Variants in BBX observed in about 807,000 individuals in gnomAD.
BBX encodes BBX high mobility group box domain containing.
Under a neutral mutation model 100.2 loss-of-function variants are expected in BBX, and 30 were observed. That is an observed-to-expected ratio of 0.30 (90% CI 0.22 to 0.41). BBX has a LOEUF of 0.41. BBX is among the 10% of genes least tolerant of loss of function. The probability of loss-of-function intolerance (pLI) is 1.00; values close to 1 mark genes in which losing one functional copy is unlikely to be tolerated. For synonymous variants in BBX, 376 were observed against 388.1 expected, an observed-to-expected ratio of 0.97 and a Z score of 0.37; for missense variants, 1,023 against 1,129.8, an observed-to-expected ratio of 0.91 and a Z score of 1.35.
At chr3:107,584,887 G>A (rs562726707) in intron 2 of BBX, among the ~76,000 whole-genome samples, 42 of 151,636 alleles carry the variant, frequency 2.8e-4, no homozygotes, top group Non-Finnish European at 6.0e-4. Context: ...TCACTATGTT[G>A]GCTGGGCTGG....
At chr3:107,607,689 G>C (rs564321647) in intron 2 of BBX, among the ~76,000 whole-genome samples, 1 of 152,206 alleles carries the variant, frequency 6.6e-6, no homozygotes, top group African/African-American at 2.4e-5. Context: ...AGCGTGCAAG[G>C]GTTTCCTTTT....
At chr3:107,686,795 T>A (rs2059875604) in intron 3 of BBX, among the ~76,000 whole-genome samples, 1 of 152,170 alleles carries the variant, frequency 6.6e-6, no homozygotes, top group South Asian at 2.1e-4. Context: ...GTGTTCACAT[T>A]TTCTAGTGTC....
At chr3:107,772,568 T>C in intron 10 of BBX, 60 bp from the exon 11 acceptor site, 1 of 1,477,716 alleles carries the variant, frequency 6.8e-7, no homozygotes, top group South Asian at 1.4e-5. Flanking sequence ...AACTTTAATT[T>C]TGAAGGTGGA....
In BBX at chr3:107,628,532, A is replaced by G. The variant is rs185651036; in HGVS notation, c.-83-17304A>G. ...TTTTTCTCATATCTTTTTTATATGTACCATTTTTTATATGAGGAAACCTTT... is the reference window on the plus strand; with the variant it reads ...TTTTTCTCATATCTTTTTTATATGTGCCATTTTTTATATGAGGAAACCTTT... On this transcript the variant is annotated intron_variant, in intron 2 of 17. Coordinates refer to ENST00000325805, the MANE Select transcript of BBX (RefSeq NM_001142568.3). 2.0e-5 allele frequency among the ~76,000 whole-genome samples: 3 copies of G among 152,172 alleles called. No homozygotes were observed. In the East Asian group the frequency reaches 5.8e-4, roughly 29 times the overall value.
intron 10 of BBX, among the ~76,000 whole-genome samples, chr3:107,770,275 G>A (rs2066795062): frequency 6.6e-6 from 1 of 152,150 alleles, no homozygotes; most frequent in African/African-American, 2.4e-5. Flanking sequence ...CAAACTGTCA[G>A]CATACCACTA....
intron 2 of BBX, among the ~76,000 whole-genome samples, chr3:107,610,407 TTTG>T (rs1244477129): frequency 6.6e-6 from 1 of 152,084 alleles, no homozygotes; most frequent in East Asian, 1.9e-4. Flanking sequence ...CCAATGTTTC[TTTG>T]TTAATTTTCT....
intron 7 of BBX, among the ~76,000 whole-genome samples, chr3:107,735,772 G>A (rs867547784): frequency 2.0e-5 from 3 of 151,758 alleles, no homozygotes; most frequent in East Asian, 1.9e-4. Flanking sequence ...GATATCAATC[G>A]CAAATAATAA....
chr3:107,638,032 G>A (rs1309925003), intron 2 of BBX, among the ~76,000 whole-genome samples: 1 of 151,944 alleles, frequency 6.6e-6, no homozygotes, highest in African/African-American at 2.4e-5. Flanking sequence ...TCCCACCTCA[G>A]CCTTCCAAGT....
At chr3:107,740,282 C>T (rs1301511033) in intron 7 of BBX, among the ~76,000 whole-genome samples, 1 of 151,778 alleles carries the variant, frequency 6.6e-6, no homozygotes, top group Non-Finnish European at 1.5e-5. Flanking sequence ...CCTTCCAAAC[C>T]TCCTTCCATC....
chr3:107,721,467 C>T (rs924011483), intron 5 of BBX, among the ~76,000 whole-genome samples: 1 of 151,906 alleles, frequency 6.6e-6, no homozygotes, highest in Non-Finnish European at 1.5e-5. Context: ...AATCAAATGG[C>T]TTACACTTTT....
At chr3:107,665,732 C>T (rs570359097) in intron 3 of BBX, among the ~76,000 whole-genome samples, 53 of 152,268 alleles carry the variant, frequency 3.5e-4, no homozygotes, top group African/African-American at 1.2e-3. Flanking sequence ...TCCCTCAACC[C>T]GACAGCCATG....
chr3:107,601,546 A>G (rs1208899416), intron 2 of BBX, among the ~76,000 whole-genome samples: 1 of 152,244 alleles, frequency 6.6e-6, no homozygotes. Context: ...CAAACCAGCC[A>G]CAACACTCCC....
chr3:107,636,551 A>G (rs545408611), intron 2 of BBX, among the ~76,000 whole-genome samples: 1 of 152,272 alleles, frequency 6.6e-6, no homozygotes, highest in East Asian at 1.9e-4. Context: ...ATTAAGAACC[A>G]TGGCTATTAC....
intron 15 of BBX, among the ~76,000 whole-genome samples, chr3:107,793,112 G>A (rs754669254): frequency 2.0e-4 from 31 of 152,138 alleles, no homozygotes; most frequent in Non-Finnish European, 3.7e-4. Flanking sequence ...AGATGTAGTA[G>A]TACACAGACT....
intron 5 of BBX, among the ~76,000 whole-genome samples, chr3:107,727,455 C>T (rs6763306): frequency 0.14 from 21,588 of 151,988 alleles, 1,998 homozygotes; most frequent in African/African-American, 0.25. Context: ...CTAGTTTGGC[C>T]TTGTGTCCAA....
rs771283452 is a variant in BBX, at chr3:107,773,645, C to G, written c.1915+9C>G. On this transcript the variant is annotated intron_variant, in intron 11 of 17. Coordinates refer to ENST00000325805, the MANE Select transcript of BBX (RefSeq NM_001142568.3). This position sits in a 1 kb window ranked among gnomAD's most constrained non-coding sequence, Gnocchi z 4.1. The stretch of plus-strand genomic sequence containing the variant: ...AGCTAATGTTGACAGAGGTAAGTAA[C>G]TTCTACAAACCTGAAAAGAATTCAA... The G allele has an allele frequency of 3.1e-6, 5 of 1,592,606 alleles. No individual in the cohort carries two copies. Among genetic ancestry groups the G allele is most frequent in the Non-Finnish European group, 4.3e-6 (5 of 1,172,110 alleles).
intron 2 of BBX, among the ~76,000 whole-genome samples, chr3:107,570,093 C>G (rs575175350): frequency 1.3e-5 from 2 of 152,180 alleles, no homozygotes; most frequent in African/African-American, 4.8e-5. Context: ...AGATTTCCAG[C>G]ACTTGAAGCA....
chr3:107,620,888 T>C (rs1485932486), intron 2 of BBX, among the ~76,000 whole-genome samples: 3 of 135,684 alleles, frequency 2.2e-5, no homozygotes, highest in East Asian at 2.4e-4. Context: ...TATTGCTGCA[T>C]AGGGGGTTGG....
At chr3:107,648,100 T>G (rs888260638) in intron 3 of BBX, among the ~76,000 whole-genome samples, 11 of 152,206 alleles carry the variant, frequency 7.2e-5, no homozygotes, top group Non-Finnish European at 1.5e-4. Flanking sequence ...AAATACTATC[T>G]GCTGCTTTTT....
Sources: allele counts gnomAD v4.1 joint callset (sites outside exome capture counted in the v4.1 genomes callset), GRCh38; gene constraint gnomAD v4.1.1; non-coding constraint Gnocchi (gnomAD v3.1); transcripts MANE v1.5; gene names NCBI Gene and HGNC (gene_info 2026-07-23, HGNC 2026-07-21).